CCDC69: variants seen among roughly 807,000 people sequenced by gnomAD.
CCDC69 encodes coiled-coil domain containing 69.
CCDC69 carries 38 observed loss-of-function variants against 40.3 expected under a neutral mutation model. That is an observed-to-expected ratio of 0.94 (90% confidence interval 0.73 to 1.24). The LOEUF (loss-of-function observed/expected upper bound fraction) is 1.24. CCDC69 is among the 50% of genes most tolerant of loss of function. The probability of loss-of-function intolerance (pLI) is 0.00; values close to 1 mark genes in which losing one functional copy is unlikely to be tolerated. For missense variants in CCDC69, 389 were observed against 357.9 expected (o/e 1.09, Z -0.70); for synonymous variants, 141 against 138.9 (o/e 1.02, Z -0.11).
intron 2 of CCDC69, among the ~76,000 whole-genome samples, chr5:151,203,595 T>TATATTAGTAAATATATATATTTAG (rs1752806863): frequency 7.0e-6 from 1 of 142,102 alleles, no homozygotes; most frequent in Admixed American, 7.2e-5. Flanking sequence ...TATATATTTA[T>TATATTAGTAAATATATATATTTAG]ATATTAGTAA....
chr5:151,211,042 A>T (rs574058291), intron 1 of CCDC69: 1 of 152,352 alleles, frequency 6.6e-6, no homozygotes, highest in East Asian at 1.9e-4. Flanking sequence ...AAATGTTGGC[A>T]AATTTGCTAG....
At position 151,198,990 on chromosome 5, in the gene CCDC69, C is replaced by A. The variant is rs1561601087; in HGVS notation, c.319+7G>T. The stretch of plus-strand genomic sequence containing the variant: ...CACCTTGGCCAGTGGAACATCTCTA[C>A]CCTTACCTTGCAGGGCCTCTTCATT... On this transcript the variant is annotated splice_region_variant and intron_variant, in intron 4 of 8. Transcript: ENST00000355417. 6.2e-7 allele frequency: 1 copy of A among 1,612,534 alleles called. No homozygotes were observed. Among genetic ancestry groups the A allele is most frequent in the East Asian group, 2.2e-5 (1 of 44,878 alleles).
rs1197284485 is a variant in CCDC69 at position 151,183,624 on chromosome 5, C to T, written c.714-10G>A. 4 of 1,601,172 alleles carry T rather than the reference C, an allele frequency of 2.5e-6. No individual in the cohort carries two copies. In the South Asian group the frequency reaches 4.5e-5, roughly 18 times the overall value. On this transcript the variant is annotated splice_polypyrimidine_tract_variant and intron_variant, in intron 8 of 8. Coordinates refer to ENST00000355417, the MANE Select transcript of CCDC69 (RefSeq NM_015621.3). ...GTCTTCTGACAGCTGCCTGTGGATG[C>T]ACACAGAGCCCAGGGTTGCCTACTG... is the stretch of plus-strand genomic sequence containing the variant.
intron 1 of CCDC69, among the ~76,000 whole-genome samples, chr5:151,207,323 G>A (rs1177157765): frequency 2.6e-5 from 4 of 151,694 alleles, no homozygotes; most frequent in Non-Finnish European, 5.9e-5. Context: ...ATGGAGTCTC[G>A]CTCTGTCACC....
At chr5:151,193,864 T>C (rs1752658725) in intron 4 of CCDC69, among the ~76,000 whole-genome samples, 1 of 152,246 alleles carries the variant, frequency 6.6e-6, no homozygotes, top group South Asian at 2.1e-4. Context: ...GTCCAAAATA[T>C]ATAAAGATAT....
chr5:151,185,335 C>G, intron 7 of CCDC69, 87 bp downstream of exon 7: 1 of 1,492,196 alleles, frequency 6.7e-7, no homozygotes, highest in Non-Finnish European at 9.2e-7. Context: ...CCTCCTCAAA[C>G]CACCTCCCCT....
chr5:151,197,303 G>A (rs1044814847), intron 4 of CCDC69, among the ~76,000 whole-genome samples: 6 of 152,104 alleles, frequency 3.9e-5, no homozygotes, highest in Non-Finnish European at 7.4e-5. Context: ...CGAGGTGGGC[G>A]GATCACTTGA....
chr5:151,194,092 C>T (rs753344773), intron 4 of CCDC69, among the ~76,000 whole-genome samples: 7 of 152,234 alleles, frequency 4.6e-5, no homozygotes, highest in Non-Finnish European at 7.3e-5. Context: ...AACGGTATAA[C>T]TCATACATCA....
chr5:151,199,009 C>T lies in CCDC69; in HGVS notation c.307G>A (p.Glu103Lys), dbSNP rs1752741330. ...QQRVLEGKNE[E>K]ALQVLRASYE... ...TCTCTACCCTTACCTTGCAGGGCCT[C>T]TTCATTCTTTCCTTCCAGGACCCTT... The change falls in exon 4 of 9, where the codon GAG becomes AAG. Residue 103 changes from glutamate to lysine, a missense_variant. Physicochemically the swap from Glu to Lys is moderately conservative, Grantham distance 56. Coordinates refer to ENST00000355417, the MANE Select transcript of CCDC69 (RefSeq NM_015621.3). 3.1e-6 allele frequency: 5 copies of T among 1,614,052 alleles called. No individual in the cohort carries two copies. The South Asian group carries it at 5.5e-5, about 18-fold the overall frequency.
rs544871918 is a variant in CCDC69 at position 151,193,642 on chromosome 5, T to TA, written c.319+5354dup. 1.1e-3 allele frequency among the ~76,000 whole-genome samples: 163 copies of TA among 152,200 alleles called. 9 individuals are homozygous for TA. The South Asian group carries it at 0.033, about 31-fold the overall frequency. On this transcript the variant is annotated intron_variant, in intron 4 of 8. Transcript: ENST00000355417. ...GATCTTAGATCTAAATATAAAACCA[T>TA]AAGGCTTTGGAAGAAAACATTGAAG...
At chr5:151,220,547 C>T (rs1044291056) in intron 1 of CCDC69, among the ~76,000 whole-genome samples, 21 of 152,192 alleles carry the variant, frequency 1.4e-4, no homozygotes, top group African/African-American at 5.1e-4. Context: ...TTATCATTCA[C>T]TTCTGTCACC....
intron 2 of CCDC69, among the ~76,000 whole-genome samples, chr5:151,203,710 T>C (rs1452345570): frequency 7.3e-6 from 1 of 137,748 alleles, no homozygotes; most frequent in Non-Finnish European, 1.5e-5. Flanking sequence ...ATATATATTA[T>C]ATATACTAAT....
At chr5:151,205,009 C>CCCTCCCTT in intron 2 of CCDC69, among the ~76,000 whole-genome samples, 1 of 137,740 alleles carries the variant, frequency 7.3e-6, no homozygotes, top group Non-Finnish European at 1.6e-5. Context: ...TTGCTCCCAT[C>CCCTCCCTT]CCTCCCTCCC....
At chr5:151,192,124 A>T (rs1416952754) in intron 4 of CCDC69, among the ~76,000 whole-genome samples, 3 of 149,674 alleles carry the variant, frequency 2.0e-5, no homozygotes, top group South Asian at 2.1e-4. Context: ...AAGAAATAAA[A>T]AAAAAAAAAA....
At chr5:151,188,029 C>T (rs1450574070) in intron 4 of CCDC69, among the ~76,000 whole-genome samples, 1 of 152,164 alleles carries the variant, frequency 6.6e-6, no homozygotes, top group African/African-American at 2.4e-5. Context: ...ATCTGATTGT[C>T]TCAAAGGGGT....
chr5:151,190,128 C>T (rs1312438334), intron 4 of CCDC69, among the ~76,000 whole-genome samples: 1 of 152,182 alleles, frequency 6.6e-6, no homozygotes, highest in Non-Finnish European at 1.5e-5. Context: ...AAACTTGAAA[C>T]TTGAAACTTC....
chr5:151,216,519 C>T (rs1049844593), intron 1 of CCDC69, among the ~76,000 whole-genome samples: 1 of 149,626 alleles, frequency 6.7e-6, no homozygotes, highest in South Asian at 2.1e-4. Context: ...CAGGTTCCAG[C>T]GATTCTCCTG....
chr5:151,190,493 C>T (rs373036491), intron 4 of CCDC69, among the ~76,000 whole-genome samples: 15 of 151,848 alleles, frequency 9.9e-5, no homozygotes, highest in Admixed American at 4.6e-4. Flanking sequence ...TGGTGAAACC[C>T]GGTCTCTACC....
chr5:151,194,910 A>AG (rs1258364669), intron 4 of CCDC69, among the ~76,000 whole-genome samples: 1 of 151,298 alleles, frequency 6.6e-6, no homozygotes, highest in Admixed American at 6.6e-5. Context: ...AAAAAAAAAA[A>AG]AGAATCTATA....
Sources: allele counts gnomAD v4.1 joint callset (sites outside exome capture counted in the v4.1 genomes callset), GRCh38; gene constraint gnomAD v4.1.1; transcripts MANE v1.5; gene names NCBI Gene and HGNC (gene_info 2026-07-23, HGNC 2026-07-21).